Variants in CD38 observed in about 807,000 individuals in gnomAD.
CD38 encodes CD38 molecule.
A neutral mutation model predicts 36.3 loss-of-function variants in CD38; 31 were observed. The ratio of observed to expected loss-of-function variants is 0.85; its 90% CI spans 0.64 to 1.15. CD38 has a LOEUF of 1.15. Among genes scored for constraint, CD38 ranks in the 50% most tolerant of loss-of-function variants. CD38 has a pLI of 0.00. For missense variants in CD38, 380 were observed against 371.9 expected, an observed-to-expected ratio of 1.02 and a Z score of -0.18; for synonymous variants, 131 against 135.2, an observed-to-expected ratio of 0.97 and a Z score of 0.22.
chr4:15,826,784 GT>G (rs1422188114), intron 3 of CD38, among the ~76,000 whole-genome samples: 1 of 151,996 alleles, frequency 6.6e-6, no homozygotes, highest in Non-Finnish European at 1.5e-5. Flanking sequence ...ATATGAGATA[GT>G]TTATTTACCT....
chr4:15,841,082 T>G (rs1724195516), intron 7 of CD38, among the ~76,000 whole-genome samples: 1 of 152,186 alleles, frequency 6.6e-6, no homozygotes, highest in Non-Finnish European at 1.5e-5. Flanking sequence ...TAATTTGTGT[T>G]TATTAGAAAA....
intron 3 of CD38, among the ~76,000 whole-genome samples, chr4:15,826,707 A>C (rs2148925087): frequency 6.6e-6 from 1 of 152,178 alleles, no homozygotes; most frequent in South Asian, 2.1e-4. Flanking sequence ...GTAGTTTAAG[A>C]ACGGCCTGGG....
intron 1 of CD38, among the ~76,000 whole-genome samples, chr4:15,815,127 G>C (rs1723564203): frequency 6.6e-6 from 1 of 151,840 alleles, no homozygotes; most frequent in Non-Finnish European, 1.5e-5. Flanking sequence ...CTCTTTCATT[G>C]GTCTATATAT....
intron 4 of CD38, 97 bp from the exon 5 acceptor site, chr4:15,837,995 T>C: frequency 3.1e-6 from 3 of 961,306 alleles, no homozygotes; most frequent in Non-Finnish European, 4.9e-6. Flanking sequence ...GGGATATCCT[T>C]CCTTAACCAG....
chr4:15,799,101 T>C (rs76730281), intron 1 of CD38, among the ~76,000 whole-genome samples: 2,233 of 152,320 alleles, frequency 0.015, 25 homozygotes, highest in Admixed American at 0.022. Flanking sequence ...TAATGTGAGA[T>C]CACAAAAGGG....
chr4:15,829,563 T>G (rs1042131504), intron 3 of CD38, among the ~76,000 whole-genome samples: 1 of 152,234 alleles, frequency 6.6e-6, no homozygotes, highest in Non-Finnish European at 1.5e-5. Context: ...TGTGTTGGGC[T>G]GCATTCAAAG....
chr4:15,800,135 C>T (rs964257843), intron 1 of CD38, among the ~76,000 whole-genome samples: 10 of 152,206 alleles, frequency 6.6e-5, no homozygotes, highest in African/African-American at 2.4e-4. Context: ...CTCTCCTATC[C>T]TAAATCCTTA....
At chr4:15,792,446 G>A (rs7685848) in intron 1 of CD38, among the ~76,000 whole-genome samples, 102,259 of 137,354 alleles carry the variant, frequency 0.74, 39,267 homozygotes, top group African/African-American at 0.92. Flanking sequence ...ATAAAAAAAA[G>A]GAATGAATCA....
intron 1 of CD38, among the ~76,000 whole-genome samples, chr4:15,786,789 G>C (rs1258900646): frequency 6.6e-6 from 1 of 152,224 alleles, no homozygotes; most frequent in African/African-American, 2.4e-5. Flanking sequence ...CGCGGTGCTC[G>C]TCGGGGAGGC....
intron 1 of CD38, among the ~76,000 whole-genome samples, chr4:15,803,159 A>G (rs1723265257): frequency 1.3e-5 from 2 of 152,318 alleles, no homozygotes; most frequent in South Asian, 4.1e-4. Context: ...CGAATCAAAG[A>G]CTTAAGTGTA....
intron 4 of CD38, 120 bp from the exon 5 acceptor site, chr4:15,837,972 G>A (rs1724106600): frequency 1.3e-6 from 1 of 763,482 alleles, no homozygotes; most frequent in Non-Finnish European, 2.2e-6. Flanking sequence ...ACATTCCTGG[G>A]CTAAAACCAT....
intron 1 of CD38, among the ~76,000 whole-genome samples, chr4:15,815,576 G>A (rs1343619369): frequency 6.6e-6 from 1 of 151,888 alleles, no homozygotes; most frequent in Non-Finnish European, 1.5e-5. Context: ...TCTATTATTG[G>A]TATATAGGAA....
chr4:15,788,874 A>T lies in CD38; in HGVS notation c.233+10227A>T, dbSNP rs139269028. On this transcript the variant is annotated intron_variant, in intron 1 of 7. Transcript: ENST00000226279. ...CTCTGAGTAGATATAAAACTGGTTA[A>T]TGTTTCTCAGGGCAATAAAAAGCTA... is the stretch of plus-strand genomic sequence containing the variant. Among the ~76,000 whole-genome samples the T allele has an allele frequency of 5.5e-3, 839 of 152,308 alleles. 7 individuals are homozygous for T. Among genetic ancestry groups the T allele is most frequent in the African/African-American group, 0.019 (783 of 41,566 alleles).
At chr4:15,790,679 C>A (rs1282596693) in intron 1 of CD38, among the ~76,000 whole-genome samples, 1 of 151,746 alleles carries the variant, frequency 6.6e-6, no homozygotes, top group Admixed American at 6.5e-5. Context: ...GCTGCCCAGT[C>A]TGGAGGGTGA....
chr4:15,803,814 C>T (rs1041610186), intron 1 of CD38, among the ~76,000 whole-genome samples: 2 of 151,934 alleles, frequency 1.3e-5, no homozygotes, highest in Non-Finnish European at 2.9e-5. Context: ...TCCCTCCCTC[C>T]TCTTATACTC....
intron 1 of CD38, among the ~76,000 whole-genome samples, chr4:15,793,213 C>G (rs557312848): frequency 6.6e-6 from 1 of 151,898 alleles, no homozygotes; most frequent in Non-Finnish European, 1.5e-5. Flanking sequence ...ACCCAGACCT[C>G]TCTCCAGTAC....
At chr4:15,786,833 G>A (rs563417161) in intron 1 of CD38, among the ~76,000 whole-genome samples, 1 of 152,176 alleles carries the variant, frequency 6.6e-6, no homozygotes, top group Non-Finnish European at 1.5e-5. Flanking sequence ...CAGGGAGGGT[G>A]GGGGGAGGCT....
intron 2 of CD38, among the ~76,000 whole-genome samples, chr4:15,817,886 A>T (rs1723635648): frequency 6.6e-6 from 1 of 152,060 alleles, no homozygotes; most frequent in African/African-American, 2.4e-5. Flanking sequence ...TCGTGTGTCT[A>T]CACCACCAGG....
intron 3 of CD38, among the ~76,000 whole-genome samples, chr4:15,833,417 G>A (rs967311060): frequency 5.9e-5 from 9 of 152,314 alleles, no homozygotes; most frequent in South Asian, 2.1e-4. Context: ...CTTATGAAAT[G>A]TATGTCCATT....
Sources: gnomAD v4.1 joint callset for allele counts (sites outside exome capture counted in the v4.1 genomes callset) on GRCh38, gnomAD v4.1.1 for gene constraint, MANE v1.5 for transcripts, NCBI Gene and HGNC (gene_info 2026-07-23, HGNC 2026-07-21) for gene names.